Variants in CCDC7 observed in about 807,000 individuals in gnomAD.
CCDC7 encodes coiled-coil domain-containing protein 7.
Under a neutral mutation model 196.9 loss-of-function variants are expected in CCDC7, and 183 were observed. The observed-to-expected ratio is 0.93, with a 90% confidence interval of 0.82 to 1.05. The LOEUF (loss-of-function observed/expected upper bound fraction) is 1.05. Among genes scored for constraint, CCDC7 ranks in the 50% least tolerant of loss-of-function variants. The pLI is 0.00. For synonymous variants in CCDC7, 525 were observed against 484.6 expected, an observed-to-expected ratio of 1.08 and a Z score of -1.10; for missense variants, 1,540 against 1,482.2, an observed-to-expected ratio of 1.04 and a Z score of -0.64.
intron 3 of CCDC7, 82 bp downstream of exon 4, chr10:32,456,416 C>A: frequency 8.8e-7 from 1 of 1,133,814 alleles, no homozygotes; most frequent in Non-Finnish European, 1.2e-6. Context: ...ATCCAGTCAG[C>A]CAACATTAAT....
At chr10:32,685,697 A>G (rs2076388765) in intron 21 of CCDC7, among the ~76,000 whole-genome samples, 1 of 152,218 alleles carries the variant, frequency 6.6e-6, no homozygotes, top group Admixed American at 6.5e-5. Context: ...TATGACATCT[A>G]TATGATCTAT....
At chr10:32,740,257 C>T (rs1309889435) in intron 28 of CCDC7, among the ~76,000 whole-genome samples, 6 of 152,012 alleles carry the variant, frequency 3.9e-5, no homozygotes, top group Admixed American at 3.3e-4. Context: ...AATAGTTTCC[C>T]TTGAGTGTAG....
chr10:32,676,527 AAAAC>A (rs1306608178), intron 21 of CCDC7, among the ~76,000 whole-genome samples: 6 of 152,116 alleles, frequency 3.9e-5, no homozygotes, highest in East Asian at 1.9e-4. Context: ...TTACAAGAAA[AAAAC>A]AAACAACCCC....
At chr10:32,809,908 A>G (rs1218604349) in intron 30 of CCDC7, among the ~76,000 whole-genome samples, 2 of 148,022 alleles carry the variant, frequency 1.4e-5, no homozygotes, top group South Asian at 2.2e-4. Flanking sequence ...AAATCATGCT[A>G]CTATAAAGAC....
intron 20 of CCDC7, among the ~76,000 whole-genome samples, chr10:32,649,664 T>G (rs2068380597): frequency 6.6e-6 from 1 of 152,232 alleles, no homozygotes; most frequent in African/African-American, 2.4e-5. Flanking sequence ...ATTGTTAATT[T>G]TGCCTTCTTA....
chr10:32,458,475 G>C (rs2034854500), intron 3 of CCDC7, among the ~76,000 whole-genome samples: 1 of 11,332 alleles, frequency 8.8e-5, no homozygotes, highest in African/African-American at 1.4e-4. Flanking sequence ...GTGTGTGTGT[G>C]TGTGTGCTTT....
chr10:32,845,461 C>A, intron 34 of CCDC7, 82 bp from the exon 36 acceptor site: 1 of 1,296,744 alleles, frequency 7.7e-7, no homozygotes, highest in Non-Finnish European at 1.1e-6. Flanking sequence ...TGAATATCCT[C>A]CTATAATTAA....
chr10:32,795,440 A>C (rs917140418), intron 29 of CCDC7, among the ~76,000 whole-genome samples: 2 of 152,274 alleles, frequency 1.3e-5, no homozygotes, highest in African/African-American at 4.8e-5. Context: ...AATCTCTGTT[A>C]AATTTCTGTG....
At chr10:32,817,292 G>T (rs2088917615) in intron 31 of CCDC7, among the ~76,000 whole-genome samples, 1 of 152,078 alleles carries the variant, frequency 6.6e-6, no homozygotes, top group Non-Finnish European at 1.5e-5. Flanking sequence ...AGAGAAAAAA[G>T]AATAAAAAGA....
At chr10:32,547,321 C>T (rs2990987) in intron 13 of CCDC7, among the ~76,000 whole-genome samples, 21,025 of 152,220 alleles carry the variant, frequency 0.14, 1,761 homozygotes, top group East Asian at 0.25. Flanking sequence ...GCCACCATGC[C>T]TGGCTAGCTC....
At position 32,596,545 on chromosome 10, in the gene CCDC7, T is replaced by G. The variant is rs543987501; in HGVS notation, c.1801+12241T>G. 4.6e-5 allele frequency among the ~76,000 whole-genome samples: 7 copies of G among 152,294 alleles called. No individual in the cohort carries two copies. In the South Asian group the frequency reaches 1.5e-3, roughly 32 times the overall value. On this transcript the variant is annotated intron_variant, in intron 18 of 41. Coordinates refer to ENST00000639629, the Ensembl canonical transcript of CCDC7. ...AGCCCATTTACATTTAAGGTTAATA[T>G]TGTTATGTGTGAATTTGATCCTGTC...
chr10:32,542,855 A>G (rs1378905282), intron 11 of CCDC7, among the ~76,000 whole-genome samples: 1 of 152,094 alleles, frequency 6.6e-6, no homozygotes, highest in Non-Finnish European at 1.5e-5. Context: ...TTCTCATGGT[A>G]TTTATGTATT....
chr10:32,678,908 C>G (rs1179801218), intron 21 of CCDC7, among the ~76,000 whole-genome samples: 2 of 152,136 alleles, frequency 1.3e-5, no homozygotes. Flanking sequence ...TTATCCTTGT[C>G]TGGTTGTTAA....
intron 9 of CCDC7, among the ~76,000 whole-genome samples, chr10:32,496,477 G>A (rs1439689961): frequency 6.6e-6 from 1 of 152,164 alleles, no homozygotes; most frequent in Non-Finnish European, 1.5e-5. Context: ...TCAAAGGAAT[G>A]CTTCCAGTTT....
chr10:32,507,398 A>C (rs1397543589), intron 9 of CCDC7, among the ~76,000 whole-genome samples: 1 of 152,146 alleles, frequency 6.6e-6, no homozygotes, highest in Non-Finnish European at 1.5e-5. Flanking sequence ...AGATTTAATC[A>C]ATTTACACTT....
At chr10:32,643,101 AAG>A (rs1475415552) in intron 20 of CCDC7, among the ~76,000 whole-genome samples, 3 of 152,216 alleles carry the variant, frequency 2.0e-5, no homozygotes, top group African/African-American at 7.2e-5. Flanking sequence ...GACATTTACT[AAG>A]AGAGGCATGT....
At chr10:32,845,957 G>T (rs1343929456) in exon 36 of CCDC7, 1 of 1,606,186 alleles carries the variant, frequency 6.2e-7, no homozygotes, top group Non-Finnish European at 8.5e-7. Flanking sequence ...AAGAGTCACC[G>T]AGGTAAGAGA....
chr10:32,794,291 A>G (rs2083195396), intron 29 of CCDC7, among the ~76,000 whole-genome samples: 1 of 152,162 alleles, frequency 6.6e-6, no homozygotes, highest in African/African-American at 2.4e-5. Flanking sequence ...TCCGTGGTGT[A>G]TTGTACCATA....
At position 32,455,895 on chromosome 10, in the gene CCDC7, C is replaced by G. The variant is rs933325150; in HGVS notation, c.373-356C>G. On this transcript the variant is annotated intron_variant, in intron 2 of 41. Transcript: ENST00000639629. ...ATAGGTAGTAGTCATTTTCTAACAC[C>G]AAGAGATTTTTTTTTTTATGGTAAT... is the stretch of plus-strand genomic sequence containing the variant. 2.0e-5 allele frequency among the ~76,000 whole-genome samples: 3 copies of G among 151,788 alleles called. No individual in the cohort carries two copies. In the South Asian group the frequency reaches 6.3e-4, roughly 32 times the overall value.
Sources: gnomAD v4.1 joint callset for allele counts (sites outside exome capture counted in the v4.1 genomes callset) on GRCh38, gnomAD v4.1.1 for gene constraint, MANE v1.5 for transcripts, NCBI Gene and HGNC (gene_info 2026-07-23, HGNC 2026-07-21) for gene names.